BMP3: variants seen among roughly 807,000 people sequenced by gnomAD.
The protein encoded by BMP3 is bone morphogenetic protein 3 (osteogenic).
BMP3 carries 23 observed loss-of-function variants against 38.1 expected under a neutral mutation model. That is an observed-to-expected ratio of 0.60 (90% CI 0.43 to 0.86). The LOEUF (loss-of-function observed/expected upper bound fraction) is 0.86. BMP3 is among the 40% of genes least tolerant of loss of function. The pLI, the probability that BMP3 is intolerant of heterozygous loss-of-function variation, is 0.00. For missense variants in BMP3, 628 were observed against 579.6 expected, an observed-to-expected ratio of 1.08 and a Z score of -0.86; for synonymous variants, 258 against 225.7, an observed-to-expected ratio of 1.14 and a Z score of -1.28.
intron 1 of BMP3, chr4:81,037,397 C>T (rs1035918959): frequency 4.0e-6 from 1 of 248,854 alleles, no homozygotes; most frequent in Non-Finnish European, 8.3e-6. Context: ...TTACCTAAAG[C>T]TAAGTGTTAG....
At chr4:81,049,483 A>G (rs1056098981) in intron 2 of BMP3, among the ~76,000 whole-genome samples, 1 of 152,186 alleles carries the variant, frequency 6.6e-6, no homozygotes, top group Non-Finnish European at 1.5e-5. Flanking sequence ...AGGGAGACAT[A>G]ACAGGGATAA....
rs1740504464 is a variant in BMP3 at position 81,054,826 on chromosome 4, T to TGATGG, written c.*1291_*1295dup. The TGATGG allele has an allele frequency of 1.3e-5, 2 of 152,150 alleles. No individual in the cohort carries two copies. Among genetic ancestry groups the TGATGG allele is most frequent in the Admixed American group, 1.3e-4 (2 of 15,256 alleles). 9.4% of individuals were successfully genotyped at this position (152,150 alleles called of 1,614,324 possible). On this transcript the variant is annotated 3_prime_UTR_variant, in exon 3 of 3. Coordinates refer to ENST00000282701, the MANE Select transcript of BMP3 (RefSeq NM_001201.5). ...CTTCTTCTCACTATATTTATTTGTG[T>TGATGG]GATGGAAATGCTTTCAGGCCGTAGA...
At position 81,030,785 on chromosome 4, in the gene BMP3, A is replaced by T. The variant is rs962775020; in HGVS notation, c.-500A>T. ...CACACACACACACGTACACTAAAAA[A>T]CTCGGACCAGCCGCGCCGCAGCTGC... On this transcript the variant is annotated 5_prime_UTR_variant, in exon 1 of 3. Coordinates refer to ENST00000282701, the MANE Select transcript of BMP3 (RefSeq NM_001201.5). 6.6e-6 allele frequency among the ~76,000 whole-genome samples: 1 copy of T among 151,218 alleles called. No homozygotes were observed. Among genetic ancestry groups the T allele is most frequent in the East Asian group, 2.0e-4 (1 of 5,090 alleles).
chr4:81,046,657 T>A lies in BMP3; in HGVS notation c.1227+9T>A, dbSNP rs1384030298. 6 of 1,605,774 alleles carry A rather than the reference T, an allele frequency of 3.7e-6. No individual in the cohort carries two copies. The East Asian group carries it at 1.1e-4, about 30-fold the overall frequency. On this transcript the variant is annotated intron_variant, in intron 2 of 2. Coordinates refer to ENST00000282701, the MANE Select transcript of BMP3 (RefSeq NM_001201.5). ...AGTTCCCCATGCCAAAGGTAGCCAT[T>A]GTTCTCTGTCCTGTACTTACTTCCT...
At chr4:81,040,402 C>A (rs1740037971) in intron 1 of BMP3, among the ~76,000 whole-genome samples, 1 of 152,144 alleles carries the variant, frequency 6.6e-6, no homozygotes, top group African/African-American at 2.4e-5. Flanking sequence ...GACTTACCTC[C>A]AGTTGCCCCA....
In BMP3 at chr4:81,056,347, T is replaced by A. The variant is rs944913082; in HGVS notation, c.*2811T>A. The A allele has an allele frequency of 2.0e-5, 3 of 152,010 alleles. No homozygotes were observed. In the East Asian group the frequency reaches 5.8e-4, roughly 29 times the overall value. The allele number at this position is 152,010 out of a possible 1,614,324, so 9.4% of individuals were successfully genotyped here. A position where few individuals can be genotyped will look rare whatever the true frequency, so the allele number is the denominator to read the frequency against. On this transcript the variant is annotated 3_prime_UTR_variant, in exon 3 of 3. Transcript: ENST00000282701. ...CTGAAAAAAATAATTCTTTTTCTTT[T>A]TTTTTTTAAATGGAGTTTCACTCTT...
rs981121921 is a variant in BMP3 at position 81,053,458 on chromosome 4, T to A, written c.1341T>A (p.Ile447=). ...CVPEKMSSLS[I]LFFDENKNVV... is the part of the protein sequence containing the mutation. ...CAGAAAAGATGTCCTCACTCAGTAT[T>A]TTATTCTTTGATGAAAATAAGAATG... Residue 447 remains isoleucine (I), a synonymous_variant, in exon 3 of 3, where the codon ATT becomes ATA. Transcript: ENST00000282701. 2 of 1,610,490 alleles carry A rather than the reference T, an allele frequency of 1.2e-6. No homozygotes were observed. The highest frequency in any genetic ancestry group is 1.7e-6 in the Non-Finnish European group (2 of 1,178,458).
rs2109909701 is a variant in BMP3, at chr4:81,046,445, C to T, written c.1024C>T (p.Pro342Ser). ...GAATAAAAAGAAACAGAGAAAGGGG[C>T]CTCATCGGAAGAGCCAGACGCTCCA... ...SKNKKKQRKG[P>S]HRKSQTLQFD... The change falls in exon 2 of 3, where the codon CCT becomes TCT. Residue 342 changes from proline (P) to serine (S), a missense_variant. Physicochemically the swap from Pro to Ser is moderately conservative, Grantham distance 74. Transcript: ENST00000282701. 2 of 1,613,894 alleles carry T rather than the reference C, an allele frequency of 1.2e-6. No homozygotes were observed. Among genetic ancestry groups the T allele is most frequent in the Admixed American group, 3.3e-5 (2 of 59,944 alleles).
Position 81,032,194 on chromosome 4 carries a change from C to CAAAAAAAAAAAAAAAAAAAAAAAAA in BMP3, c.316+596_316+620dup, listed in dbSNP as rs5859748. 5.4e-5 allele frequency among the ~76,000 whole-genome samples: 4 copies of CAAAAAAAAAAAAAAAAAAAAAAAAA among 74,042 alleles called. 1 individual carries two copies. The highest frequency in any genetic ancestry group is 1.9e-4 in the African/African-American group (4 of 20,700). 48.6% of individuals were successfully genotyped at this position (74,042 alleles called of 152,430 possible). On this transcript the variant is annotated intron_variant, in intron 1 of 2. Coordinates refer to ENST00000282701, the MANE Select transcript of BMP3 (RefSeq NM_001201.5). ...ACTTTACTTGATAGTTCCTTAGTGG[C>CAAAAAAAAAAAAAAAAAAAAAAAAA]AAAAAAAAAAAAAAAAAAAAAAAAA...
intron 1 of BMP3, among the ~76,000 whole-genome samples, chr4:81,041,589 G>A (rs991560978): frequency 6.6e-6 from 1 of 152,104 alleles, no homozygotes; most frequent in South Asian, 2.1e-4. Context: ...CTTCAGATTG[G>A]CCATTCCTTG....
intron 1 of BMP3, among the ~76,000 whole-genome samples, chr4:81,037,751 C>A (rs1467896494): frequency 6.6e-6 from 1 of 152,050 alleles, no homozygotes; most frequent in Non-Finnish European, 1.5e-5. Flanking sequence ...TATGATATCC[C>A]AAACCTATAT....
chr4:81,036,161 T>C (rs1231850975), intron 1 of BMP3, among the ~76,000 whole-genome samples: 1 of 152,050 alleles, frequency 6.6e-6, no homozygotes, highest in African/African-American at 2.4e-5. Context: ...TAATATTCAT[T>C]GTTTCACACA....
rs1228702131 is a variant in BMP3, at chr4:81,056,418, C to A, written c.*2882C>A. 1 of 152,064 alleles carries A rather than the reference C, an allele frequency of 6.6e-6. No individual in the cohort carries two copies. The highest frequency in any genetic ancestry group is 1.5e-5 in the Non-Finnish European group (1 of 68,000). The allele number at this position is 152,064 out of a possible 1,614,324, so 9.4% of individuals were successfully genotyped here. The stretch of plus-strand genomic sequence containing the variant: ...GTGGCGTGATCTCGGCCCACTGCAA[C>A]CTCCACCTCCCAGGTTCAAGCAGTT... On this transcript the variant is annotated 3_prime_UTR_variant, in exon 3 of 3. Coordinates refer to ENST00000282701, the MANE Select transcript of BMP3 (RefSeq NM_001201.5).
intron 2 of BMP3, among the ~76,000 whole-genome samples, chr4:81,052,625 G>A (rs1018248751): frequency 6.6e-6 from 1 of 152,116 alleles, no homozygotes; most frequent in Non-Finnish European, 1.5e-5. Flanking sequence ...ACAACTCCAT[G>A]CCTAATTCTA....
chr4:81,043,590 A>ATT (rs3038534), intron 1 of BMP3, among the ~76,000 whole-genome samples: 2,493 of 130,722 alleles, frequency 0.019, 117 homozygotes, highest in African/African-American at 0.066. Context: ...GCATACTACA[A>ATT]TTTTTTTTTT....
intron 2 of BMP3, among the ~76,000 whole-genome samples, chr4:81,048,132 A>C (rs1253824623): frequency 6.6e-6 from 1 of 152,088 alleles, no homozygotes; most frequent in Non-Finnish European, 1.5e-5. Flanking sequence ...AATTCTATAC[A>C]CTTGCAATTA....
In BMP3 at chr4:81,031,522, G is replaced by C. The variant is rs759533579; in HGVS notation, c.238G>C (p.Glu80Gln). 6.2e-7 allele frequency: 1 copy of C among 1,612,502 alleles called. No individual in the cohort carries two copies. The highest frequency in any genetic ancestry group is 8.5e-7 in the Non-Finnish European group (1 of 1,179,548). Residue 80 changes from glutamate (E) to glutamine (Q), a missense_variant, in exon 1 of 3, where the codon GAG becomes CAG. Physicochemically the swap from Glu to Gln is conservative, Grantham distance 29. Coordinates refer to ENST00000282701, the MANE Select transcript of BMP3 (RefSeq NM_001201.5). ...GGCGGCCCGGACACCGGGCTCCCTG[G>C]AGGGAGGCTCGCAGCCCTGGCGCCC... ...VQAARTPGSL[E>Q]GGSQPWRPRL...
intron 1 of BMP3, among the ~76,000 whole-genome samples, chr4:81,032,206 A>AAAAAAAAAC (rs1739794939): frequency 1.3e-5 from 2 of 149,762 alleles, no homozygotes; most frequent in African/African-American, 4.9e-5. Context: ...AAAAAAAAAA[A>AAAAAAAAAC]AAAAAAAAAA....
chr4:81,037,320 C>T, intron 1 of BMP3: 1 of 191,050 alleles, frequency 5.2e-6, no homozygotes, highest in Non-Finnish European at 1.1e-5. Context: ...AGGGTAATTG[C>T]TGTACTTGGT....
Sources: allele counts gnomAD v4.1 joint callset (sites outside exome capture counted in the v4.1 genomes callset), GRCh38; gene constraint gnomAD v4.1.1; transcripts MANE v1.5; gene names NCBI Gene and HGNC (gene_info 2026-07-23, HGNC 2026-07-21).